The following LHFPL6 variants were observed in gnomAD, a reference collection of about 807,000 sequenced individuals.
The protein encoded by LHFPL6 is LHFPL tetraspan subfamily member 6 protein.
Under a neutral mutation model 20.6 loss-of-function variants are expected in LHFPL6, and 9 were observed. The ratio of observed to expected loss-of-function variants is 0.44; its 90% CI spans 0.26 to 0.76. The LOEUF (loss-of-function observed/expected upper bound fraction) is 0.76. LHFPL6 is among the 30% of genes least tolerant of loss of function. LHFPL6 has a pLI of 0.20. For missense variants in LHFPL6, 218 were observed against 253.5 expected (o/e 0.86, Z 0.95); for synonymous variants, 105 against 98.7 (o/e 1.06, Z -0.38).
intron 2 of LHFPL6, among the ~76,000 whole-genome samples, chr13:39,437,033 A>G (rs529650395): frequency 2.0e-5 from 3 of 152,372 alleles, no homozygotes; most frequent in East Asian, 1.9e-4. Flanking sequence ...GACAAATTTT[A>G]CAGACTTATT....
chr13:39,533,529 C>T (rs568351655), intron 2 of LHFPL6, among the ~76,000 whole-genome samples: 10 of 152,294 alleles, frequency 6.6e-5, no homozygotes, highest in African/African-American at 2.4e-4. Flanking sequence ...TTAGCTACTA[C>T]ACTTAGCTGC....
intron 2 of LHFPL6, among the ~76,000 whole-genome samples, chr13:39,530,254 A>C (rs1160232724): frequency 6.6e-6 from 1 of 151,938 alleles, no homozygotes; most frequent in East Asian, 1.9e-4. Context: ...TTTCAAAAAA[A>C]AAAAAAAGTA....
At chr13:39,395,404 A>G (rs1348196254) in intron 2 of LHFPL6, among the ~76,000 whole-genome samples, 1 of 152,152 alleles carries the variant, frequency 6.6e-6, no homozygotes. Flanking sequence ...TATCGTTAGG[A>G]CTTTTCCCCT....
intron 3 of LHFPL6, among the ~76,000 whole-genome samples, chr13:39,362,500 A>G (rs1409933452): frequency 6.6e-6 from 1 of 152,258 alleles, no homozygotes; most frequent in Non-Finnish European, 1.5e-5. Flanking sequence ...ATGTATATGT[A>G]TAAGTATACA....
At chr13:39,447,129 T>C (rs565793383) in intron 2 of LHFPL6, among the ~76,000 whole-genome samples, 28 of 152,310 alleles carry the variant, frequency 1.8e-4, no homozygotes, top group African/African-American at 6.3e-4. Flanking sequence ...AGATGGGTAA[T>C]GTGCCAACAT....
At chr13:39,508,431 T>C (rs374638073) in intron 2 of LHFPL6, among the ~76,000 whole-genome samples, 5 of 152,330 alleles carry the variant, frequency 3.3e-5, no homozygotes, top group African/African-American at 1.2e-4. Context: ...TAAGTATATC[T>C]ATTACCTGAT....
chr13:39,361,753 G>A (rs1422441129), intron 3 of LHFPL6, among the ~76,000 whole-genome samples: 1 of 152,168 alleles, frequency 6.6e-6, no homozygotes, highest in Non-Finnish European at 1.5e-5. Flanking sequence ...TAATAATTCT[G>A]TATGTAAAAT....
intron 2 of LHFPL6, among the ~76,000 whole-genome samples, chr13:39,545,723 G>T (rs1359996031): frequency 6.6e-6 from 1 of 152,000 alleles, no homozygotes; most frequent in African/African-American, 2.4e-5. Flanking sequence ...CTTATAATAT[G>T]TAATATAATG....
intron 2 of LHFPL6, among the ~76,000 whole-genome samples, chr13:39,420,442 A>AGT (rs1265033159): frequency 6.6e-6 from 1 of 152,206 alleles, no homozygotes; most frequent in Non-Finnish European, 1.5e-5. Context: ...CAAACAGGAG[A>AGT]GTGCTTACCA....
At chr13:39,566,477 T>C (rs541775713) in intron 2 of LHFPL6, among the ~76,000 whole-genome samples, 2 of 152,196 alleles carry the variant, frequency 1.3e-5, no homozygotes, top group Admixed American at 1.3e-4. Context: ...GCTGTGGCTC[T>C]CACCTGTAAT....
At chr13:39,486,110 C>G (rs569947757) in intron 2 of LHFPL6, among the ~76,000 whole-genome samples, 1 of 152,100 alleles carries the variant, frequency 6.6e-6, no homozygotes, top group African/African-American at 2.4e-5. Flanking sequence ...CACAGTTTTG[C>G]CAACATCTGA....
intron 2 of LHFPL6, among the ~76,000 whole-genome samples, chr13:39,437,193 C>G (rs1871981079): frequency 6.6e-6 from 1 of 152,176 alleles, no homozygotes; most frequent in Admixed American, 6.5e-5. Flanking sequence ...CCTTATACAT[C>G]ATTATAATGG....
intron 2 of LHFPL6, among the ~76,000 whole-genome samples, chr13:39,561,278 T>C (rs1261010727): frequency 1.3e-5 from 2 of 151,974 alleles, no homozygotes; most frequent in African/African-American, 4.8e-5. Context: ...CCCTAAACCC[T>C]TTCTATCCAA....
At chr13:39,513,455 C>T (rs1441181897) in intron 2 of LHFPL6, among the ~76,000 whole-genome samples, 1 of 151,932 alleles carries the variant, frequency 6.6e-6, no homozygotes, top group Non-Finnish European at 1.5e-5. Flanking sequence ...AATTTTTTTC[C>T]CAAAATATTC....
intron 2 of LHFPL6, among the ~76,000 whole-genome samples, chr13:39,530,599 A>G (rs1229404759): frequency 6.6e-6 from 1 of 152,156 alleles, no homozygotes; most frequent in African/African-American, 2.4e-5. Context: ...GTAAGTCCTA[A>G]AAACTTGGAT....
chr13:39,432,852 TAATC>T (rs1871853101), intron 2 of LHFPL6, among the ~76,000 whole-genome samples: 1 of 152,242 alleles, frequency 6.6e-6, no homozygotes. Context: ...TTGAATCAAT[TAATC>T]AGTCAATCAA....
chr13:39,407,854 A>T (rs945261216), intron 2 of LHFPL6, among the ~76,000 whole-genome samples: 13 of 152,240 alleles, frequency 8.5e-5, no homozygotes, highest in Non-Finnish European at 1.6e-4. Context: ...ATCAATAAAT[A>T]TATAAAAAAC....
intron 2 of LHFPL6, among the ~76,000 whole-genome samples, chr13:39,448,747 C>T (rs184153925): frequency 6.6e-6 from 1 of 152,242 alleles, no homozygotes; most frequent in Non-Finnish European, 1.5e-5. Flanking sequence ...TGATGTTAAT[C>T]CAACCAGATC....
At chr13:39,374,948 CT>C (rs1288247194) in intron 3 of LHFPL6, among the ~76,000 whole-genome samples, 1 of 152,224 alleles carries the variant, frequency 6.6e-6, no homozygotes, top group Admixed American at 6.5e-5. Context: ...AAATGCACTA[CT>C]TAAATAATCT....
Sources: allele counts gnomAD v4.1 joint callset (sites outside exome capture counted in the v4.1 genomes callset), GRCh38; gene constraint gnomAD v4.1.1; transcripts MANE v1.5; gene names NCBI Gene and HGNC (gene_info 2026-07-23, HGNC 2026-07-21).